The following CNST variants were observed in gnomAD, a reference collection of about 807,000 sequenced individuals.
CNST encodes consortin.
In CNST, 39 loss-of-function variants were observed where a neutral mutation model predicts 72.4. The observed-to-expected ratio is 0.54, with a 90% confidence interval of 0.42 to 0.70. CNST has a LOEUF of 0.70. CNST is among the 30% of genes least tolerant of loss of function. The pLI is 0.00. For synonymous variants in CNST, 332 were observed against 320.1 expected, an observed-to-expected ratio of 1.04 and a Z score of -0.40; for missense variants, 871 against 868.5, an observed-to-expected ratio of 1.00 and a Z score of -0.04.
chr1:246,627,917 T>C (rs935591387), intron 3 of CNST, among the ~76,000 whole-genome samples: 1 of 151,360 alleles, frequency 6.6e-6, no homozygotes, highest in Non-Finnish European at 1.5e-5. Context: ...ATCCTATATA[T>C]ATTTATATAT....
chr1:246,590,265 A>T (rs1263189956), intron 1 of CNST, among the ~76,000 whole-genome samples: 1 of 152,160 alleles, frequency 6.6e-6, no homozygotes, highest in African/African-American at 2.4e-5. Flanking sequence ...GCATCAGCTG[A>T]CAGGACAGAA....
At chr1:246,641,860 C>T in intron 7 of CNST, 81 bp from the exon 8 acceptor site, 1 of 1,333,236 alleles carries the variant, frequency 7.5e-7, no homozygotes, top group South Asian at 1.2e-5. Context: ...ATGAGGAAAC[C>T]TTTCCCAAGT....
At chr1:246,574,427 A>T (rs1038371455) in intron 1 of CNST, among the ~76,000 whole-genome samples, 3 of 152,088 alleles carry the variant, frequency 2.0e-5, no homozygotes, top group African/African-American at 2.4e-5. Context: ...CTTTTTCTTT[A>T]AAAAAAATTT....
At chr1:246,662,234 T>C (rs1403322583) in intron 10 of CNST, among the ~76,000 whole-genome samples, 1 of 152,240 alleles carries the variant, frequency 6.6e-6, no homozygotes, top group African/African-American at 2.4e-5. Flanking sequence ...TTCATAAACC[T>C]CACCTTCTGC....
At chr1:246,600,777 T>C (rs1395620227) in intron 2 of CNST, among the ~76,000 whole-genome samples, 1 of 152,164 alleles carries the variant, frequency 6.6e-6, no homozygotes, top group African/African-American at 2.4e-5. Context: ...AGTAGACCTG[T>C]TAAACAGGCT....
intron 9 of CNST, among the ~76,000 whole-genome samples, chr1:246,659,011 G>A (rs1229376031): frequency 6.6e-6 from 1 of 152,194 alleles, no homozygotes; most frequent in Non-Finnish European, 1.5e-5. Context: ...ACATAGGCAG[G>A]AGAGAGGCAG....
At chr1:246,590,078 C>T (rs539419889) in intron 1 of CNST, among the ~76,000 whole-genome samples, 3 of 152,240 alleles carry the variant, frequency 2.0e-5, no homozygotes, top group African/African-American at 7.2e-5. Context: ...ATGAACTCCT[C>T]ATTAAAGAAG....
intron 2 of CNST, among the ~76,000 whole-genome samples, chr1:246,595,030 AC>A (rs1215261699): frequency 6.6e-6 from 1 of 152,162 alleles, no homozygotes; most frequent in Non-Finnish European, 1.5e-5. Flanking sequence ...TTTTACAGAT[AC>A]ATTTTTGTTT....
At chr1:246,648,468 A>G (rs1242906452) in intron 9 of CNST, among the ~76,000 whole-genome samples, 1 of 152,220 alleles carries the variant, frequency 6.6e-6, no homozygotes, top group Admixed American at 6.5e-5. Flanking sequence ...GTCTTTTAAA[A>G]TAGTCTAAAG....
intron 4 of CNST, chr1:246,632,131 A>G (rs1664809086): frequency 2.2e-6 from 1 of 455,872 alleles, no homozygotes. Context: ...AGAACCATCC[A>G]AAGTTTACCT....
At chr1:246,619,362 T>TA (rs1663903077) in intron 2 of CNST, among the ~76,000 whole-genome samples, 1 of 152,082 alleles carries the variant, frequency 6.6e-6, no homozygotes, top group Non-Finnish European at 1.5e-5. Context: ...TATAGCAACA[T>TA]AAAGTGTCTA....
chr1:246,583,707 CATA>C (rs1411127860), intron 1 of CNST, among the ~76,000 whole-genome samples: 2 of 152,174 alleles, frequency 1.3e-5, no homozygotes, highest in Non-Finnish European at 2.9e-5. Flanking sequence ...TTCATGTCCT[CATA>C]GTAACCTTGA....
rs142551353 is a variant in CNST, at chr1:246,630,945, C to T, written c.586-949C>T. Reference sequence around the variant, plus strand: ...ATTTTTAGTAGAGATGGGGTTTCACCGTGTTGGTCAGGCTGGTCTTGAACC... The same window carrying T: ...ATTTTTAGTAGAGATGGGGTTTCACTGTGTTGGTCAGGCTGGTCTTGAACC... On this transcript the variant is annotated intron_variant, in intron 3 of 10. Coordinates refer to ENST00000366513, the MANE Select transcript of CNST (RefSeq NM_152609.3). Among the ~76,000 whole-genome samples the T allele has an allele frequency of 4.2e-3, 634 of 152,028 alleles. 6 individuals are homozygous for T. Among genetic ancestry groups the T allele is most frequent in the Admixed American group, 3.9e-3 (59 of 15,280 alleles).
intron 2 of CNST, 114 bp from the exon 3 acceptor site, chr1:246,621,314 TC>T: frequency 1.3e-6 from 1 of 753,314 alleles, no homozygotes; most frequent in Admixed American, 2.0e-5. Flanking sequence ...ACCTTCCTGT[TC>T]AGGTCTGTTT....
At chr1:246,586,256 A>G (rs890047396) in intron 1 of CNST, among the ~76,000 whole-genome samples, 1 of 147,678 alleles carries the variant, frequency 6.8e-6, no homozygotes, top group African/African-American at 2.5e-5. Flanking sequence ...TATATATTAT[A>G]TATAAAGCTA....
chr1:246,607,237 G>A (rs1479849776), intron 2 of CNST: 3 of 151,824 alleles, frequency 2.0e-5, no homozygotes, highest in Non-Finnish European at 4.4e-5. Context: ...GTGAGGCTGG[G>A]GTTTTGAAAT....
rs531074561 is a variant in CNST at position 246,626,802 on chromosome 1, C to G, written c.586-5092C>G. On this transcript the variant is annotated intron_variant, in intron 3 of 10. Coordinates refer to ENST00000366513, the MANE Select transcript of CNST (RefSeq NM_152609.3). ...CTCCAGACTTAACTATCCAGCAACT[C>G]AAGATGTCTCATGGGCATTTCAAAC... Among the ~76,000 whole-genome samples, 6 of 152,226 alleles carry G rather than the reference C, an allele frequency of 3.9e-5. No individual in the cohort carries two copies. The East Asian group carries it at 7.7e-4, about 20-fold the overall frequency.
rs61852410 is a variant in CNST, at chr1:246,639,473, G to A, written c.819-2276G>A. Among the ~76,000 whole-genome samples, 816 of 152,218 alleles carry A rather than the reference G, an allele frequency of 5.4e-3. 4 individuals carry two copies. The highest frequency in any genetic ancestry group is 9.5e-3 in the South Asian group (46 of 4,826). Reference sequence around the variant, plus strand: ...AGTGTGCGGTCGGTTGTGAGCCCTCGGGTTTGCAGGGTAAGAGCTAGGCCT... The same window carrying A: ...AGTGTGCGGTCGGTTGTGAGCCCTCAGGTTTGCAGGGTAAGAGCTAGGCCT... On this transcript the variant is annotated intron_variant, in intron 6 of 10. Transcript: ENST00000366513.
At chr1:246,578,539 C>T (rs1204523814) in intron 1 of CNST, among the ~76,000 whole-genome samples, 2 of 151,990 alleles carry the variant, frequency 1.3e-5, no homozygotes, top group African/African-American at 4.8e-5. Flanking sequence ...GGTGTGGTGG[C>T]ACGTGCCTGT....
Sources: allele counts gnomAD v4.1 joint callset (sites outside exome capture counted in the v4.1 genomes callset), GRCh38; gene constraint gnomAD v4.1.1; transcripts MANE v1.5; gene names NCBI Gene and HGNC (gene_info 2026-07-23, HGNC 2026-07-21).